ITPRID1: variants seen among roughly 807,000 people sequenced by gnomAD.
The protein encoded by ITPRID1 is protein ITPRID1.
In ITPRID1, 96 loss-of-function variants were observed where a neutral mutation model predicts 95.4. The ratio of observed to expected loss-of-function variants is 1.01; its 90% CI spans 0.85 to 1.19. The LOEUF (loss-of-function observed/expected upper bound fraction) is 1.19. ITPRID1 is among the 50% of genes most tolerant of loss of function. The probability of loss-of-function intolerance (pLI) is 0.00; values close to 1 mark genes in which losing one functional copy is unlikely to be tolerated. For synonymous variants in ITPRID1, 510 were observed against 453.6 expected, an observed-to-expected ratio of 1.12 and a Z score of -1.58; for missense variants, 1,339 against 1,252.9, an observed-to-expected ratio of 1.07 and a Z score of -1.04.
intron 10 of ITPRID1, among the ~76,000 whole-genome samples, chr7:31,616,772 C>T (rs1787276517): frequency 6.6e-6 from 1 of 150,640 alleles, no homozygotes. Context: ...AAAGACAAAA[C>T]CAAAAAGGTT....
Position 31,643,722 on chromosome 7 carries a change from T to C in ITPRID1, c.2352T>C (p.Ser784=), listed in dbSNP as rs1384684932. 2 of 1,614,022 alleles carry C rather than the reference T, an allele frequency of 1.2e-6. No homozygotes were observed. The highest frequency in any genetic ancestry group is 3.3e-5 in the Admixed American group (2 of 60,024). The change falls in exon 12 of 15, where the codon TCT becomes TCC. Residue 784 remains serine, a synonymous_variant. Transcript: ENST00000615280. ...CCCAGCCCCTCACCAAATCCGTCTC[T>C]CTAGACTCAGGCTTCTCTAGTATCT... ...HGPQPLTKSV[S]LDSGFSSICP...
intron 5 of ITPRID1, among the ~76,000 whole-genome samples, chr7:31,566,592 G>A (rs1784809634): frequency 6.6e-6 from 1 of 152,066 alleles, no homozygotes; most frequent in African/African-American, 2.4e-5. Context: ...GAAGGAGGCA[G>A]GAATAAATAT....
chr7:31,628,227 T>C (rs1451999493), intron 10 of ITPRID1, among the ~76,000 whole-genome samples: 1 of 152,064 alleles, frequency 6.6e-6, no homozygotes, highest in South Asian at 2.1e-4. Flanking sequence ...AATCTCCTAC[T>C]CCTACCGGTG....
At position 31,656,022 on chromosome 7, in the gene ITPRID1, G is replaced by A; in HGVS notation, c.*3193G>A. On this transcript the variant is annotated 3_prime_UTR_variant, in exon 15 of 15. Coordinates refer to ENST00000615280, the MANE Select transcript of ITPRID1 (RefSeq NM_001257967.3). ...CTTCCTCTCCTTTGCTGAAACAAAT[G>A]AAGTATCTCACCAGTAAGTCCTAGG... The A allele has an allele frequency of 2.0e-6, 2 of 984,806 alleles. No individual in the cohort carries two copies. Among genetic ancestry groups the A allele is most frequent in the Non-Finnish European group, 1.2e-6 (1 of 829,374 alleles). The allele number at this position is 984,806 out of a possible 1,614,324, so 61.0% of individuals were successfully genotyped here. A position where few individuals can be genotyped will look rare whatever the true frequency, so the allele number is the denominator to read the frequency against.
intron 1 of ITPRID1, among the ~76,000 whole-genome samples, chr7:31,519,445 G>C (rs1371269836): frequency 1.3e-5 from 2 of 151,606 alleles, no homozygotes; most frequent in Non-Finnish European, 2.9e-5. Context: ...ATAAAATGAA[G>C]AAAGTAAAAA....
At chr7:31,554,813 A>G in intron 4 of ITPRID1, 45 bp from the exon 5 acceptor site, 1 of 1,455,982 alleles carries the variant, frequency 6.9e-7, no homozygotes, top group Non-Finnish European at 9.4e-7. Flanking sequence ...AGTATAATTT[A>G]TTTACACACA....
chr7:31,557,210 G>A (rs551867626), intron 5 of ITPRID1, among the ~76,000 whole-genome samples: 2 of 152,114 alleles, frequency 1.3e-5, no homozygotes, highest in Admixed American at 6.6e-5. Flanking sequence ...AATTCCAGGG[G>A]ACTCTAGTCA....
At position 31,572,113 on chromosome 7, in the gene ITPRID1, A is replaced by G; in HGVS notation, c.320A>G (p.Gln107Arg). The change falls in exon 7 of 15, where the codon CAG becomes CGG. Residue 107 changes from glutamine (Q) to arginine (R), a missense_variant. Gln to Arg is a conservative substitution (Grantham distance 43). Transcript: ENST00000615280. The part of the protein sequence containing the change: ...TVKDYMRSLH[Q>R]FSETPILSRG... ...TTTCCCAACTGTAGATCTTTGCATC[A>G]GTTTTCAGAAACTCCCATCCTATCC... The G allele has an allele frequency of 6.2e-7, 1 of 1,607,254 alleles. No individual in the cohort carries two copies. The highest frequency in any genetic ancestry group is 8.5e-7 in the Non-Finnish European group (1 of 1,174,528).
intron 5 of ITPRID1, among the ~76,000 whole-genome samples, chr7:31,563,350 A>G (rs1289035304): frequency 6.6e-6 from 1 of 152,156 alleles, no homozygotes; most frequent in Non-Finnish European, 1.5e-5. Context: ...TTTCTGTTAG[A>G]TAGGATGAGG....
chr7:31,582,031 G>A (rs946255688), intron 9 of ITPRID1, among the ~76,000 whole-genome samples: 1 of 152,184 alleles, frequency 6.6e-6, no homozygotes, highest in South Asian at 2.1e-4. Context: ...TTGGCCATGT[G>A]TACCACAATG....
At chr7:31,607,068 T>C (rs1286187328) in intron 10 of ITPRID1, among the ~76,000 whole-genome samples, 1 of 152,190 alleles carries the variant, frequency 6.6e-6, no homozygotes, top group South Asian at 2.1e-4. Flanking sequence ...AGCTCATGTC[T>C]TTCTTTCTTT....
chr7:31,642,364 G>T, intron 11 of ITPRID1, 106 bp downstream of exon 11: 1 of 787,122 alleles, frequency 1.3e-6, no homozygotes, highest in Non-Finnish European at 2.0e-6. Flanking sequence ...CTCAGAAAGA[G>T]GGGTGTTTTA....
chr7:31,519,945 T>A (rs912369695), intron 1 of ITPRID1, among the ~76,000 whole-genome samples: 1 of 151,980 alleles, frequency 6.6e-6, no homozygotes, highest in Non-Finnish European at 1.5e-5. Flanking sequence ...TAAACATTTT[T>A]AAGTTTTTAC....
intron 10 of ITPRID1, among the ~76,000 whole-genome samples, chr7:31,619,763 G>C (rs561695633): frequency 3.3e-5 from 5 of 152,260 alleles, no homozygotes; most frequent in East Asian, 2.0e-4. Context: ...GCGCAGGTCA[G>C]TGGGTGCAGC....
chr7:31,637,015 T>C (rs1171849944), intron 10 of ITPRID1, among the ~76,000 whole-genome samples: 1 of 151,762 alleles, frequency 6.6e-6, no homozygotes, highest in Non-Finnish European at 1.5e-5. Flanking sequence ...GATAGTTTGC[T>C]GAGAATGATG....
intron 10 of ITPRID1, among the ~76,000 whole-genome samples, chr7:31,630,606 C>T (rs541476126): frequency 7.2e-5 from 11 of 152,190 alleles, no homozygotes; most frequent in African/African-American, 2.6e-4. Context: ...CAGGGAAGAT[C>T]TGCATCGAGT....
At chr7:31,552,298 G>C (rs944453556) in intron 2 of ITPRID1, among the ~76,000 whole-genome samples, 1 of 108,274 alleles carries the variant, frequency 9.2e-6, no homozygotes, top group African/African-American at 2.7e-5. Flanking sequence ...GCCTGGTTTT[G>C]AGTCCTGGCT....
chr7:31,637,053 A>C (rs1789556470), intron 10 of ITPRID1, among the ~76,000 whole-genome samples: 1 of 151,876 alleles, frequency 6.6e-6, no homozygotes, highest in African/African-American at 2.4e-5. Flanking sequence ...TGTCCCTACA[A>C]AGGACATGAA....
At chr7:31,618,900 A>G (rs568392062) in intron 10 of ITPRID1, among the ~76,000 whole-genome samples, 5 of 152,320 alleles carry the variant, frequency 3.3e-5, no homozygotes, top group African/African-American at 1.2e-4. Flanking sequence ...GCATGTTATA[A>G]GAAGCCAAAG....
Sources: allele counts gnomAD v4.1 joint callset (sites outside exome capture counted in the v4.1 genomes callset), GRCh38; gene constraint gnomAD v4.1.1; transcripts MANE v1.5; gene names NCBI Gene and HGNC (gene_info 2026-07-23, HGNC 2026-07-21).